MPP7: variants seen among roughly 807,000 people sequenced by gnomAD.
MPP7 encodes MAGUK p55 subfamily member 7.
MPP7 carries 60 observed loss-of-function variants against 76.5 expected under a neutral mutation model. The observed-to-expected ratio is 0.78, with a 90% confidence interval of 0.64 to 0.97. The LOEUF (loss-of-function observed/expected upper bound fraction) is 0.97. Among genes scored for constraint, MPP7 ranks in the 50% least tolerant of loss-of-function variants. The probability of loss-of-function intolerance (pLI) is 0.00; values close to 1 mark genes in which losing one functional copy is unlikely to be tolerated. For synonymous variants in MPP7, 237 were observed against 244.5 expected (o/e 0.97, Z 0.29); for missense variants, 641 against 694.0 (o/e 0.92, Z 0.86).
At chr10:28,177,260 C>G (rs1172883529) in intron 3 of MPP7, among the ~76,000 whole-genome samples, 1 of 104,182 alleles carries the variant, frequency 9.6e-6, no homozygotes, top group Admixed American at 1.1e-4. Flanking sequence ...ACTAAAAATG[C>G]AAAAAAAAAA....
At chr10:28,235,367 T>C (rs1411891428) in intron 2 of MPP7, among the ~76,000 whole-genome samples, 12 of 152,366 alleles carry the variant, frequency 7.9e-5, no homozygotes, top group East Asian at 7.7e-4. Flanking sequence ...TGAAACTCTC[T>C]GTACTGTCTT....
At chr10:28,106,870 T>C (rs1301272692) in intron 11 of MPP7, among the ~76,000 whole-genome samples, 1 of 152,206 alleles carries the variant, frequency 6.6e-6, no homozygotes, top group African/African-American at 2.4e-5. Context: ...CTTTATGTGC[T>C]CTAAAGAAAC....
At chr10:28,130,042 C>A (rs1835143058) in intron 6 of MPP7, among the ~76,000 whole-genome samples, 1 of 152,112 alleles carries the variant, frequency 6.6e-6, no homozygotes, top group Non-Finnish European at 1.5e-5. Flanking sequence ...GTGTTCACAG[C>A]CTGTTCTCTG....
At chr10:28,132,601 T>C (rs1376385672) in intron 5 of MPP7, among the ~76,000 whole-genome samples, 1 of 152,016 alleles carries the variant, frequency 6.6e-6, no homozygotes, top group Non-Finnish European at 1.5e-5. Flanking sequence ...AGCTATTTTT[T>C]TTATTTTTAT....
At chr10:28,229,900 AC>A (rs1443394452) in intron 2 of MPP7, among the ~76,000 whole-genome samples, 2 of 151,726 alleles carry the variant, frequency 1.3e-5, no homozygotes, top group Non-Finnish European at 2.9e-5. Context: ...AAAAAAAAAA[AC>A]AAAAACAAAA....
chr10:28,061,910 T>G (rs7071379), intron 13 of MPP7, among the ~76,000 whole-genome samples: 4,520 of 152,008 alleles, frequency 0.03, 215 homozygotes, highest in African/African-American at 0.1. Flanking sequence ...GGAAAATACT[T>G]AATCAAAATG....
At chr10:28,210,357 T>G (rs962902120) in intron 2 of MPP7, among the ~76,000 whole-genome samples, 1 of 152,194 alleles carries the variant, frequency 6.6e-6, no homozygotes, top group Non-Finnish European at 1.5e-5. Flanking sequence ...CCTGTCTCCA[T>G]GTGTGTACGT....
chr10:28,308,026 A>G (rs1201174961), upstream of MPP7, among the ~76,000 whole-genome samples: 1 of 152,146 alleles, frequency 6.6e-6, no homozygotes, highest in African/African-American at 2.4e-5. Flanking sequence ...TGAGCAATGC[A>G]ATTTTCTCTA....
chr10:28,182,623 T>C (rs1837094414), intron 3 of MPP7, among the ~76,000 whole-genome samples: 1 of 152,206 alleles, frequency 6.6e-6, no homozygotes, highest in Admixed American at 6.5e-5. Flanking sequence ...ATATGACTCT[T>C]GTACTCACAA....
chr10:28,181,300 G>A (rs577626553), intron 3 of MPP7, among the ~76,000 whole-genome samples: 64 of 152,224 alleles, frequency 4.2e-4, no homozygotes, highest in African/African-American at 1.4e-3. Flanking sequence ...TTGTTAAACC[G>A]TGATCATCAT....
chr10:28,230,757 A>T (rs965168389), intron 2 of MPP7, among the ~76,000 whole-genome samples: 25 of 152,220 alleles, frequency 1.6e-4, no homozygotes, highest in African/African-American at 5.1e-4. Flanking sequence ...CGGAGGTTGC[A>T]GTGAGCCAAG....
At chr10:28,085,991 G>A (rs1024533821) in intron 12 of MPP7, among the ~76,000 whole-genome samples, 1 of 152,190 alleles carries the variant, frequency 6.6e-6, no homozygotes, top group Non-Finnish European at 1.5e-5. Flanking sequence ...CCTTTGCAGA[G>A]ACATGGATGA....
Position 28,193,788 on chromosome 10 carries a change from A to C in MPP7, c.156+8365T>G, listed in dbSNP as rs1254364198. ...CTCAGCAAAGAAGATGTATAGATAA[A>C]AAATAAACGTGTGAAGATATGCTTA... is the stretch of plus-strand genomic sequence containing the variant. On this transcript the variant is annotated intron_variant, in intron 3 of 16. Coordinates refer to ENST00000683449, the MANE Select transcript of MPP7 (RefSeq NM_001318170.2). Among the ~76,000 whole-genome samples the C allele has an allele frequency of 3.3e-5, 5 of 152,174 alleles. 1 individual carries two copies. Among genetic ancestry groups the C allele is most frequent in the Non-Finnish European group, 7.3e-5 (5 of 68,044 alleles).
chr10:28,116,460 C>T (rs975620293), intron 11 of MPP7, among the ~76,000 whole-genome samples: 8 of 152,076 alleles, frequency 5.3e-5, no homozygotes, highest in African/African-American at 1.9e-4. Flanking sequence ...TACTCATTTC[C>T]AGAACACTTA....
At chr10:28,197,174 C>G (rs1837612440) in intron 3 of MPP7, among the ~76,000 whole-genome samples, 1 of 142,366 alleles carries the variant, frequency 7.0e-6, no homozygotes, top group South Asian at 2.3e-4. Flanking sequence ...CTAACCTGAG[C>G]AACTTCCTTT....
At chr10:28,273,048 C>T (rs894373023) in intron 1 of MPP7, among the ~76,000 whole-genome samples, 7 of 152,116 alleles carry the variant, frequency 4.6e-5, no homozygotes, top group African/African-American at 1.7e-4. Flanking sequence ...TCCCCAGTAG[C>T]TGGGATTACA....
At chr10:28,079,572 C>T (rs1457018633) in intron 12 of MPP7, among the ~76,000 whole-genome samples, 3 of 152,068 alleles carry the variant, frequency 2.0e-5, no homozygotes, top group Admixed American at 6.6e-5. Flanking sequence ...CGCCTAGAAG[C>T]GCACCCAAAA....
At chr10:28,191,809 T>C (rs1427357025) in intron 3 of MPP7, among the ~76,000 whole-genome samples, 1 of 152,102 alleles carries the variant, frequency 6.6e-6, no homozygotes, top group Admixed American at 6.6e-5. Flanking sequence ...GAAAATCATA[T>C]GATCATATCA....
intron 11 of MPP7, among the ~76,000 whole-genome samples, chr10:28,109,848 CAAAAAAAAAAA>C (rs869206744): frequency 5.2e-5 from 1 of 19,214 alleles, no homozygotes; most frequent in East Asian, 8.7e-4. Context: ...GCCGCAGACG[CAAAAAAAAAAA>C]AAAAAAAAAA....
Sources: gnomAD v4.1 joint callset for allele counts (sites outside exome capture counted in the v4.1 genomes callset) on GRCh38, gnomAD v4.1.1 for gene constraint, MANE v1.5 for transcripts, NCBI Gene and HGNC (gene_info 2026-07-23, HGNC 2026-07-21) for gene names.